DNAH7: variants seen among roughly 807,000 people sequenced by gnomAD.
DNAH7 encodes dynein axonemal heavy chain 7.
DNAH7 carries 397 observed loss-of-function variants against 444.6 expected under a neutral mutation model. The ratio of observed to expected loss-of-function variants is 0.89; its 90% CI spans 0.82 to 0.97. The LOEUF (loss-of-function observed/expected upper bound fraction) is 0.97. Ranked by LOEUF, DNAH7 falls within the 50% of genes least tolerant of loss-of-function variation. The probability of loss-of-function intolerance (pLI) is 0.00; values close to 1 mark genes in which losing one functional copy is unlikely to be tolerated. For synonymous variants in DNAH7, 1,636 were observed against 1,624.4 expected, an observed-to-expected ratio of 1.01 and a Z score of -0.17; for missense variants, 4,902 against 4,800.8, an observed-to-expected ratio of 1.02 and a Z score of -0.62.
At chr2:195,834,151 A>T (rs1698209838) in intron 48 of DNAH7, 55 bp downstream of exon 48, 1 of 1,531,096 alleles carries the variant, frequency 6.5e-7, no homozygotes, top group Non-Finnish European at 8.9e-7. Context: ...GTTTTGGGTT[A>T]ATTGTGCCCT....
intron 47 of DNAH7, among the ~76,000 whole-genome samples, chr2:195,837,264 G>C (rs1438567122): frequency 2.0e-5 from 3 of 152,162 alleles, no homozygotes; most frequent in African/African-American, 7.2e-5. Flanking sequence ...TTCTCTAAGA[G>C]ATTATCCCTG....
At position 196,032,015 on chromosome 2, in the gene DNAH7, A is replaced by G. The variant is rs143394364; in HGVS notation, c.399-3968T>C. Among the ~76,000 whole-genome samples the G allele has an allele frequency of 7.8e-3, 1,194 of 152,352 alleles. 7 individuals carry two copies. Among genetic ancestry groups the G allele is most frequent in the Non-Finnish European group, 0.011 (729 of 68,036 alleles). ...CCATTTTCATGCTGCTGATAAAGAC[A>G]TACCCGAAACTGGGCAATTTACAAA... On this transcript the variant is annotated intron_variant, in intron 5 of 64. Coordinates refer to ENST00000312428, the MANE Select transcript of DNAH7 (RefSeq NM_018897.3).
chr2:195,778,617 T>TGG (rs1164236947), intron 58 of DNAH7, among the ~76,000 whole-genome samples: 3 of 26,926 alleles, frequency 1.1e-4, no homozygotes, highest in African/African-American at 5.3e-4. Flanking sequence ...AGACCCTGTC[T>TGG]GAAAAAAAAA....
In DNAH7 at chr2:196,055,972, G is replaced by A. The variant is rs565658867; in HGVS notation, c.78+2082C>T. On this transcript the variant is annotated intron_variant, in intron 2 of 64. Coordinates refer to ENST00000312428, the MANE Select transcript of DNAH7 (RefSeq NM_018897.3). ...ATGTTTTCTTCTTACATTGCAGTGCGGAATATGTATCTTATAGAATATTTT... is the reference window on the plus strand; with the variant it reads ...ATGTTTTCTTCTTACATTGCAGTGCAGAATATGTATCTTATAGAATATTTT... Among the ~76,000 whole-genome samples the A allele has an allele frequency of 7.2e-5, 11 of 152,228 alleles. No homozygotes were observed. In the East Asian group the frequency reaches 1.7e-3, roughly 24 times the overall value.
chr2:196,062,555 A>T (rs962827203), intron 1 of DNAH7, among the ~76,000 whole-genome samples: 5 of 152,190 alleles, frequency 3.3e-5, no homozygotes, highest in African/African-American at 1.2e-4. Flanking sequence ...CTCACACATC[A>T]TCATTTTAGT....
At chr2:195,958,207 G>C (rs1451142936) in intron 18 of DNAH7, among the ~76,000 whole-genome samples, 1 of 151,976 alleles carries the variant, frequency 6.6e-6, no homozygotes, top group African/African-American at 2.4e-5. Flanking sequence ...CCTGAGATAA[G>C]AAGACCAACC....
At chr2:195,995,163 C>T (rs1324361577) in intron 12 of DNAH7, 10 of 312,830 alleles carry the variant, frequency 3.2e-5, no homozygotes, top group South Asian at 2.8e-4. Context: ...CTCTTGACCT[C>T]GTGACCTGCC....
rs572582196 is a variant in DNAH7 at position 196,001,352 on chromosome 2, T to G, written c.1173+323A>C. On this transcript the variant is annotated intron_variant, in intron 11 of 64. Coordinates refer to ENST00000312428, the MANE Select transcript of DNAH7 (RefSeq NM_018897.3). ...AGTCATGACAATCATATATCCTAAA[T>G]ATGCAGGTTGACATTAACTCTTTTT... 9.3e-5 allele frequency among the ~76,000 whole-genome samples: 14 copies of G among 151,314 alleles called. 1 individual carries two copies. Among genetic ancestry groups the G allele is most frequent in the Non-Finnish European group, 4.4e-5 (3 of 68,002 alleles).
intron 33 of DNAH7, 129 bp from the exon 34 acceptor site, chr2:195,886,401 G>A (rs999013649): frequency 2.7e-5 from 20 of 747,180 alleles, no homozygotes; most frequent in Non-Finnish European, 3.2e-5. Flanking sequence ...TACTACCTAC[G>A]AGTAGGTACT....
rs917554227 is a variant in DNAH7 at position 195,907,069 on chromosome 2, G to T, written c.4105-60C>A. On this transcript the variant is annotated intron_variant, in intron 25 of 64. Coordinates refer to ENST00000312428, the MANE Select transcript of DNAH7 (RefSeq NM_018897.3). The stretch of plus-strand genomic sequence containing the variant: ...ATCTGATTCAATGTTGCAATGAAAT[G>T]TTGTATTTTCACCTGATCTTTTCAA... The T allele has an allele frequency of 3.0e-6, 4 of 1,322,618 alleles. No homozygotes were observed. The Admixed American group carries it at 5.9e-5, about 20-fold the overall frequency. The allele number at this position is 1,322,618 out of a possible 1,614,324, so 81.9% of individuals were successfully genotyped here.
intron 61 of DNAH7, among the ~76,000 whole-genome samples, chr2:195,767,939 A>G (rs1574400823): frequency 1.3e-5 from 2 of 151,876 alleles, no homozygotes; most frequent in East Asian, 3.8e-4. Flanking sequence ...AGATTTTGCT[A>G]GAAAAGACAG....
At chr2:195,828,392 G>A (rs1697887970) in intron 48 of DNAH7, among the ~76,000 whole-genome samples, 1 of 151,926 alleles carries the variant, frequency 6.6e-6, no homozygotes, top group Non-Finnish European at 1.5e-5. Context: ...AGACCATCCT[G>A]GCTAACACAG....
chr2:195,773,289 A>C (rs1209312371), intron 60 of DNAH7, among the ~76,000 whole-genome samples: 1 of 152,204 alleles, frequency 6.6e-6, no homozygotes, highest in African/African-American at 2.4e-5. Flanking sequence ...TATTTGGCTA[A>C]AACTAATGAA....
Position 195,778,006 on chromosome 2 carries a change from C to T in DNAH7, c.10879-21G>A, listed in dbSNP as rs371781558. On this transcript the variant is annotated intron_variant, in intron 58 of 64. Transcript: ENST00000312428. The stretch of plus-strand genomic sequence containing the variant: ...AGTTCCTAAAATAGTGCGTGTCAGT[C>T]AACCAGTTATCAGTAGCATGTTATA... 88 of 1,575,994 alleles carry T rather than the reference C, an allele frequency of 5.6e-5. 2 individuals carry two copies. In the Admixed American group the frequency reaches 8.7e-4, roughly 16 times the overall value.
intron 22 of DNAH7, among the ~76,000 whole-genome samples, chr2:195,924,660 A>G (rs1177734179): frequency 6.7e-6 from 1 of 149,660 alleles, no homozygotes; most frequent in Non-Finnish European, 1.5e-5. Context: ...TGAGGTCCTG[A>G]TTCTGACTGT....
chr2:195,780,015 A>G (rs567738989), intron 58 of DNAH7, among the ~76,000 whole-genome samples: 8 of 152,228 alleles, frequency 5.3e-5, no homozygotes, highest in African/African-American at 7.2e-5. Context: ...GTATTTTATT[A>G]TGTTCTTTAG....
chr2:195,950,949 G>A lies in DNAH7; in HGVS notation c.3078+6312C>T, dbSNP rs1690209953. Among the ~76,000 whole-genome samples the A allele has an allele frequency of 2.1e-5, 3 of 146,292 alleles. No homozygotes were observed. The South Asian group carries it at 6.4e-4, about 31-fold the overall frequency. ...TCTCTATCTCCTTCAGTTCTGCTCTGATCTAAGTTATTTCTTGTCTTCTGC... is the reference window on the plus strand; with the variant it reads ...TCTCTATCTCCTTCAGTTCTGCTCTAATCTAAGTTATTTCTTGTCTTCTGC... On this transcript the variant is annotated intron_variant, in intron 19 of 64. Transcript: ENST00000312428.
intron 5 of DNAH7, among the ~76,000 whole-genome samples, chr2:196,030,730 C>G (rs900797288): frequency 6.6e-6 from 1 of 152,214 alleles, no homozygotes; most frequent in African/African-American, 2.4e-5. Context: ...AATTTTAAAG[C>G]TCCAAAATGA....
intron 41 of DNAH7, among the ~76,000 whole-genome samples, chr2:195,862,376 T>A (rs1189721421): frequency 6.6e-6 from 1 of 152,168 alleles, no homozygotes. Context: ...ATCATCCCAA[T>A]TCAAGCCTCC....
Sources: allele counts gnomAD v4.1 joint callset (sites outside exome capture counted in the v4.1 genomes callset), GRCh38; gene constraint gnomAD v4.1.1; transcripts MANE v1.5; gene names NCBI Gene and HGNC (gene_info 2026-07-23, HGNC 2026-07-21).